Variants in SMCHD1 observed in about 807,000 individuals in gnomAD.
The protein encoded by SMCHD1 is structural maintenance of chromosomes flexible hinge domain-containing protein 1.
A neutral mutation model predicts 254.7 loss-of-function variants in SMCHD1; 78 were observed. The observed-to-expected ratio is 0.31, with a 90% CI of 0.26 to 0.37. The LOEUF (loss-of-function observed/expected upper bound fraction) is 0.37. Ranked by LOEUF, SMCHD1 falls within the 10% of genes least tolerant of loss-of-function variation. The pLI is 1.00. For synonymous variants in SMCHD1, 766 were observed against 794.9 expected (o/e 0.96, Z 0.61); for missense variants, 1,840 against 2,408.1 (o/e 0.76, Z 4.94).
intron 13 of SMCHD1, among the ~76,000 whole-genome samples, chr18:2,705,167 A>G (rs1254309925): frequency 6.6e-6 from 1 of 152,168 alleles, no homozygotes; most frequent in Non-Finnish European, 1.5e-5. Flanking sequence ...TAGTTTAGAA[A>G]TGGGGCAGGC....
intron 24 of SMCHD1, among the ~76,000 whole-genome samples, chr18:2,730,422 G>A (rs1041351030): frequency 1.4e-4 from 22 of 152,168 alleles, no homozygotes; most frequent in East Asian, 3.9e-4. Context: ...CACCCACCTC[G>A]GCCTCCCAAA....
At chr18:2,785,732 G>T (rs147317297) in intron 45 of SMCHD1, among the ~76,000 whole-genome samples, 2 of 145,530 alleles carry the variant, frequency 1.4e-5, no homozygotes, top group African/African-American at 2.5e-5. Context: ...AACTGTTTTC[G>T]GTATGCACAG....
intron 15 of SMCHD1, among the ~76,000 whole-genome samples, chr18:2,706,973 A>G (rs2074529820): frequency 6.6e-6 from 1 of 152,226 alleles, no homozygotes; most frequent in Non-Finnish European, 1.5e-5. Flanking sequence ...AGAGAGAGAG[A>G]GGGAAGGGGG....
Position 2,760,683 on chromosome 18 carries a change from T to TA in SMCHD1, c.4379dup (p.Tyr1460Ter). 1 of 1,598,036 alleles carries TA rather than the reference T, an allele frequency of 6.3e-7. No individual in the cohort carries two copies. The highest frequency in any genetic ancestry group is 8.6e-7 in the Non-Finnish European group (1 of 1,165,886). ...AGTAATTCCTAATAAAGTGGGGACA[T>TA]ATTGTATCCAGTTTGGTTTTATGAT... ...DKVIPNKVGTYCIQFGFMMDK... is the reference protein window; with the variant it reads ...DKVIPNKVGT The change falls in exon 35 of 48, where the codon TAT becomes TAAT. Residue 1460 changes from tyrosine (Y) to a stop codon, truncating the protein, a stop_gained and frameshift_variant. Coordinates refer to ENST00000320876, the MANE Select transcript of SMCHD1 (RefSeq NM_015295.3). LOFTEE classifies it high-confidence loss of function.
intron 5 of SMCHD1, among the ~76,000 whole-genome samples, chr18:2,682,249 A>G (rs376041989): frequency 3.3e-5 from 5 of 151,326 alleles, no homozygotes; most frequent in African/African-American, 7.3e-5. Flanking sequence ...CCTGGCAATC[A>G]TTTAGATAGT....
At chr18:2,721,889 G>A (rs2074934442) in intron 19 of SMCHD1, among the ~76,000 whole-genome samples, 1 of 152,178 alleles carries the variant, frequency 6.6e-6, no homozygotes, top group Admixed American at 6.5e-5. Flanking sequence ...AGGAAACACA[G>A]CTTGCTGAAT....
rs183911142 is a variant in SMCHD1 at position 2,685,348 on chromosome 18, C to T, written c.639-3046C>T. 8.7e-3 allele frequency among the ~76,000 whole-genome samples: 1,325 copies of T among 152,140 alleles called. 22 individuals carry two copies. Among genetic ancestry groups the T allele is most frequent in the African/African-American group, 0.03 (1,255 of 41,506 alleles). On this transcript the variant is annotated intron_variant, in intron 5 of 47. Coordinates refer to ENST00000320876, the MANE Select transcript of SMCHD1 (RefSeq NM_015295.3). ...TCTCCTGACCTCGTGATCCGCCCAC[C>T]TCGGCCTCCCAAAGTGCTGGGATTA...
chr18:2,754,527 A>G (rs2075636480), intron 34 of SMCHD1, among the ~76,000 whole-genome samples: 1 of 152,210 alleles, frequency 6.6e-6, no homozygotes, highest in Non-Finnish European at 1.5e-5. Flanking sequence ...AAATGTTGTC[A>G]ACCAGGGAAG....
chr18:2,792,231 AT>A (rs2076180634), intron 45 of SMCHD1, among the ~76,000 whole-genome samples: 1 of 152,244 alleles, frequency 6.6e-6, no homozygotes, highest in African/African-American at 2.4e-5. Flanking sequence ...CCATAAGATT[AT>A]AATGGAGTTG....
chr18:2,666,093 T>C, intron 1 of SMCHD1, 64 bp from the exon 2 acceptor site: 1 of 734,324 alleles, frequency 1.4e-6, no homozygotes. Flanking sequence ...CATATTTTTA[T>C]AAATTTGAAT....
intron 17 of SMCHD1, among the ~76,000 whole-genome samples, chr18:2,714,237 T>C (rs1422464171): frequency 6.6e-6 from 1 of 152,220 alleles, no homozygotes; most frequent in East Asian, 1.9e-4. Context: ...TTTAACATTA[T>C]ATAATTTTTT....
At chr18:2,794,691 G>A (rs8090843) in intron 45 of SMCHD1, among the ~76,000 whole-genome samples, 84,333 of 151,992 alleles carry the variant, frequency 0.55, 23,881 homozygotes, top group South Asian at 0.81. Context: ...TTTATGGCAA[G>A]AAGAACACTT....
chr18:2,749,936 C>T, intron 30 of SMCHD1, 107 bp from the exon 31 acceptor site: 1 of 976,350 alleles, frequency 1.0e-6, no homozygotes, highest in South Asian at 1.8e-5. Context: ...TATGCAAATA[C>T]TGCTTTTAAA....
At chr18:2,730,533 A>T (rs1032440816) in intron 24 of SMCHD1, among the ~76,000 whole-genome samples, 8 of 152,334 alleles carry the variant, frequency 5.3e-5, no homozygotes, top group African/African-American at 1.7e-4. Context: ...ATCGTGGCTG[A>T]TAGCAAAGCC....
chr18:2,763,121 A>G (rs1000701581), intron 36 of SMCHD1, among the ~76,000 whole-genome samples: 1 of 152,148 alleles, frequency 6.6e-6, no homozygotes, highest in Non-Finnish European at 1.5e-5. Context: ...GTTTTAGATG[A>G]TGGGTTATTC....
At chr18:2,777,952 T>A in intron 43 of SMCHD1, 37 bp downstream of exon 43, 2 of 1,271,736 alleles carry the variant, frequency 1.6e-6, no homozygotes, top group Non-Finnish European at 2.2e-6. Context: ...TTTGTACAGA[T>A]GTTAAATTTG....
At chr18:2,737,304 C>T (rs547704072) in intron 25 of SMCHD1, among the ~76,000 whole-genome samples, 39 of 152,290 alleles carry the variant, frequency 2.6e-4, no homozygotes, top group African/African-American at 8.9e-4. Flanking sequence ...GATGAGATAA[C>T]TCATAGACCA....
At chr18:2,786,556 G>C (rs993232267) in intron 45 of SMCHD1, among the ~76,000 whole-genome samples, 1 of 152,002 alleles carries the variant, frequency 6.6e-6, no homozygotes. Context: ...GCTGGGCGTG[G>C]TGGTGGGTGC....
In SMCHD1 at chr18:2,666,895, C is replaced by T. The variant is rs369550628; in HGVS notation, c.288C>T (p.Thr96=). 95 of 1,613,174 alleles carry T rather than the reference C, an allele frequency of 5.9e-5. No individual in the cohort carries two copies. The Middle Eastern group carries it at 6.6e-4, about 11-fold the overall frequency. ...NFDETVKDGV[T]LYLLQSVNQL... ...ATGAAACTGTTAAAGATGGAGTCACCTTATACCTGCTACAGTCGGTCAATC... is the reference window on the plus strand; with the variant it reads ...ATGAAACTGTTAAAGATGGAGTCACTTTATACCTGCTACAGTCGGTCAATC... The change falls in exon 3 of 48, where the codon ACC becomes ACT. Residue 96 remains threonine, a synonymous_variant. Transcript: ENST00000320876.
Sources: gnomAD v4.1 joint callset for allele counts (sites outside exome capture counted in the v4.1 genomes callset) on GRCh38, gnomAD v4.1.1 for gene constraint, MANE v1.5 for transcripts, NCBI Gene and HGNC (gene_info 2026-07-23, HGNC 2026-07-21) for gene names.